ACOT11: variants seen among roughly 807,000 people sequenced by gnomAD.
ACOT11 encodes acyl-coenzyme A thioesterase 11.
Under a neutral mutation model 77.5 loss-of-function variants are expected in ACOT11, and 69 were observed. That is an observed-to-expected ratio of 0.89 (90% CI 0.73 to 1.09). ACOT11 has a LOEUF of 1.09. ACOT11 is among the 50% of genes least tolerant of loss of function. The pLI, the probability that ACOT11 is intolerant of heterozygous loss-of-function variation, is 0.00. For missense variants in ACOT11, 766 were observed against 813.7 expected, an observed-to-expected ratio of 0.94 and a Z score of 0.71; for synonymous variants, 279 against 313.0, an observed-to-expected ratio of 0.89 and a Z score of 1.15.
intron 12 of ACOT11, 71 bp downstream of exon 12, chr1:54,604,500 A>G (rs1412309063): frequency 1.5e-6 from 2 of 1,321,012 alleles, no homozygotes; most frequent in East Asian, 2.3e-5. Context: ...AGCAACAAGA[A>G]CTCTCCCACA....
chr1:54,609,606 C>T lies in ACOT11; in HGVS notation c.*494C>T, dbSNP rs371266614. ...TCAGGCCAGCCTGGTGCCACAGTCA[C>T]GTGGGGGAAGACCTCAGCCACAGCT... On this transcript the variant is annotated 3_prime_UTR_variant, in exon 16 of 16. Coordinates refer to ENST00000343744, the MANE Select transcript of ACOT11 (RefSeq NM_147161.4). 2.6e-5 allele frequency: 42 copies of T among 1,613,176 alleles called. No homozygotes were observed. The highest frequency in any genetic ancestry group is 4.5e-5 in the East Asian group (2 of 44,894).
intron 15 of ACOT11, among the ~76,000 whole-genome samples, chr1:54,624,840 G>A (rs1644262170): frequency 6.6e-6 from 1 of 152,096 alleles, no homozygotes; most frequent in Non-Finnish European, 1.5e-5. Context: ...AGAGGCACTG[G>A]GACAAAGTGA....
In ACOT11 at chr1:54,609,279, C is replaced by T; in HGVS notation, c.*167C>T. On this transcript the variant is annotated 3_prime_UTR_variant, in exon 16 of 16. Transcript: ENST00000343744. Reference sequence around the variant, plus strand: ...CCACCCCTGGGTGCTCAGTTTCTACCAACATGAGCCAGCAAGTCCTTGTGG... The same window carrying T: ...CCACCCCTGGGTGCTCAGTTTCTACTAACATGAGCCAGCAAGTCCTTGTGG... 2.5e-6 allele frequency: 4 copies of T among 1,604,680 alleles called. No individual in the cohort carries two copies. Among genetic ancestry groups the T allele is most frequent in the Non-Finnish European group, 3.4e-6 (4 of 1,173,424 alleles).
intron 1 of ACOT11, among the ~76,000 whole-genome samples, chr1:54,580,511 C>A (rs1654267745): frequency 6.6e-6 from 1 of 152,208 alleles, no homozygotes; most frequent in South Asian, 2.1e-4. Flanking sequence ...ATCACCTGAA[C>A]CCTTTGCCCT....
chr1:54,584,188 GC>G lies in ACOT11; in HGVS notation c.34-464del, dbSNP rs372558843. 5.1e-3 allele frequency among the ~76,000 whole-genome samples: 769 copies of G among 152,248 alleles called. 1 individual carries two copies. The highest frequency in any genetic ancestry group is 0.018 in the African/African-American group (737 of 41,536). On this transcript the variant is annotated intron_variant, in intron 1 of 15. Coordinates refer to ENST00000343744, the MANE Select transcript of ACOT11 (RefSeq NM_147161.4). This position sits in a 1 kb window ranked among gnomAD's most constrained non-coding sequence, Gnocchi z 6.3. ...AAGATGGAGGGAGCCCAAGAAAGGA[GC>G]CCTTTGGGGATGAAATCAGAGCGGC...
At chr1:54,624,451 G>C (rs1006554711) in intron 15 of ACOT11, among the ~76,000 whole-genome samples, 2 of 152,158 alleles carry the variant, frequency 1.3e-5, no homozygotes, top group Non-Finnish European at 2.9e-5. Flanking sequence ...CGGCCTTCCC[G>C]AGGAGGGAAC....
At chr1:54,614,588 T>C, downstream of ACOT11, 1 of 1,096,388 alleles carries the variant, frequency 9.1e-7, no homozygotes, top group South Asian at 1.6e-5. Flanking sequence ...GAGGTGAGGC[T>C]ATATATAGTA....
Position 54,610,202 on chromosome 1 carries a change from G to A in ACOT11, c.*1090G>A, listed in dbSNP as rs1410189701. On this transcript the variant is annotated 3_prime_UTR_variant, in exon 16 of 16. Transcript: ENST00000343744. The stretch of plus-strand genomic sequence containing the variant: ...TGCCGGCCTTGCCTGCAGCAATGTA[G>A]CTGAGGACTGGTCTGAAGGCCAGGA... The A allele has an allele frequency of 2.1e-6, 3 of 1,434,828 alleles. No individual in the cohort carries two copies. In the African/African-American group the frequency reaches 4.3e-5, roughly 21 times the overall value. 88.9% of individuals were successfully genotyped at this position (1,434,828 alleles called of 1,614,324 possible). A position where few individuals can be genotyped will look rare whatever the true frequency, so the allele number is the denominator to read the frequency against.
At chr1:54,577,241 C>G (rs1280043583) in intron 1 of ACOT11, among the ~76,000 whole-genome samples, 1 of 152,172 alleles carries the variant, frequency 6.6e-6, no homozygotes, top group Non-Finnish European at 1.5e-5. Flanking sequence ...CTCTGTCTAG[C>G]TCTGAAAATT....
At chr1:54,614,875 C>A (rs1373191314), downstream of ACOT11, 1 of 1,611,470 alleles carries the variant, frequency 6.2e-7, no homozygotes, top group Admixed American at 1.7e-5. Context: ...GGGAAAGGAA[C>A]AAGGGCTTGG....
rs899262536 is a variant in ACOT11 at position 54,548,256 on chromosome 1, G to A, written c.-54G>A. ...TGGAGTCAGGCCTGGCTGTTGCTCA[G>A]GTGACCAGCTTGTGTCTCTGGGAGG... is the stretch of plus-strand genomic sequence containing the variant. On this transcript the variant is annotated 5_prime_UTR_variant, in exon 1 of 16. Transcript: ENST00000343744. The A allele has an allele frequency of 3.8e-6, 6 of 1,569,054 alleles. No homozygotes were observed. Among genetic ancestry groups the A allele is most frequent in the Admixed American group, 1.9e-5 (1 of 53,226 alleles).
chr1:54,581,876 C>T (rs1224093468), intron 1 of ACOT11, among the ~76,000 whole-genome samples: 4 of 152,212 alleles, frequency 2.6e-5, no homozygotes, highest in Admixed American at 6.5e-5. Context: ...GGCTGCCTGC[C>T]CACCTTGGGA....
chr1:54,634,736 A>G (rs1288222844), exon 17 of ACOT11: 4 of 702,442 alleles, frequency 5.7e-6, no homozygotes, highest in East Asian at 2.7e-5. Flanking sequence ...CTGAAACCTT[A>G]TCATGAGCCA....
chr1:54,593,839 C>T, intron 4 of ACOT11, 102 bp from the exon 5 acceptor site: 1 of 967,736 alleles, frequency 1.0e-6, no homozygotes, highest in Admixed American at 2.1e-5. Flanking sequence ...ACTCTGGAGG[C>T]CTGGCCTGGG....
chr1:54,611,496 C>T (rs984344979), downstream of ACOT11: 33 of 1,134,558 alleles, frequency 2.9e-5, no homozygotes, highest in South Asian at 1.5e-4. Context: ...TGTCCCACCC[C>T]GGCCTTCCCC....
chr1:54,561,605 A>G (rs1178739320), intron 1 of ACOT11, among the ~76,000 whole-genome samples: 341 of 133,158 alleles, frequency 2.6e-3, no homozygotes, highest in African/African-American at 9.3e-3. Context: ...CCCGTTCTCA[A>G]TGAGCTGTTG....
intron 1 of ACOT11, chr1:54,582,509 C>T (rs1654346481): frequency 2.0e-6 from 2 of 985,246 alleles, no homozygotes; most frequent in African/African-American, 1.7e-5. Flanking sequence ...CAGGTCCTGG[C>T]TCCCGTGGCA....
At chr1:54,560,480 G>A (rs1387313483) in intron 1 of ACOT11, among the ~76,000 whole-genome samples, 2 of 152,144 alleles carry the variant, frequency 1.3e-5, no homozygotes, top group African/African-American at 4.8e-5. Flanking sequence ...TTTGTCCTCA[G>A]CAAATGATAT....
intron 16 of ACOT11, among the ~76,000 whole-genome samples, chr1:54,633,406 G>A (rs1391858519): frequency 6.6e-6 from 1 of 152,168 alleles, no homozygotes; most frequent in Non-Finnish European, 1.5e-5. Context: ...ACCTATGGGA[G>A]CATTACAGCC....
Sources: allele counts gnomAD v4.1 joint callset (sites outside exome capture counted in the v4.1 genomes callset), GRCh38; gene constraint gnomAD v4.1.1; non-coding constraint Gnocchi (gnomAD v3.1); transcripts MANE v1.5; gene names NCBI Gene and HGNC (gene_info 2026-07-23, HGNC 2026-07-21).